The following IQGAP2 variants were observed in gnomAD, a reference collection of about 807,000 sequenced individuals.
The protein encoded by IQGAP2 is ras GTPase-activating-like protein IQGAP2.
In IQGAP2, 173 loss-of-function variants were observed where a neutral mutation model predicts 201.3. The observed-to-expected ratio is 0.86, with a 90% CI of 0.76 to 0.98. IQGAP2 has a LOEUF of 0.98. IQGAP2 is among the 50% of genes least tolerant of loss of function. IQGAP2 has a pLI of 0.00. For synonymous variants in IQGAP2, 675 were observed against 673.9 expected (o/e 1.00, Z -0.03); for missense variants, 1,687 against 1,864.8 (o/e 0.90, Z 1.76).
At chr5:76,609,759 T>C (rs1748113035) in intron 12 of IQGAP2, among the ~76,000 whole-genome samples, 1 of 151,954 alleles carries the variant, frequency 6.6e-6, no homozygotes, top group Admixed American at 6.6e-5. Flanking sequence ...ATCTAGTTTC[T>C]TTAACAGTTC....
chr5:76,631,449 T>C (rs372390), intron 14 of IQGAP2, among the ~76,000 whole-genome samples: 86,374 of 151,964 alleles, frequency 0.57, 24,636 homozygotes, highest in South Asian at 0.63. Flanking sequence ...CCAGGATTTC[T>C]GTAACTTAAA....
intron 5 of IQGAP2, among the ~76,000 whole-genome samples, chr5:76,583,427 AC>A (rs1746013155): frequency 6.6e-6 from 1 of 152,088 alleles, no homozygotes; most frequent in South Asian, 2.1e-4. Flanking sequence ...AACAGTTTAA[AC>A]CTCAACATCA....
At chr5:76,419,673 C>CT (rs57338854) in intron 1 of IQGAP2, among the ~76,000 whole-genome samples, 20,657 of 141,686 alleles carry the variant, frequency 0.15, 1,816 homozygotes, top group East Asian at 0.43. Context: ...CTTTTCTTTT[C>CT]TTTTTTTTTT....
At chr5:76,660,165 G>A (rs1743131518) in intron 21 of IQGAP2, 1 of 152,216 alleles carries the variant, frequency 6.6e-6, no homozygotes, top group Admixed American at 6.5e-5. Context: ...GCCACAGGAG[G>A]CTGCCAGTTA....
chr5:76,665,820 T>C (rs2150468046), intron 22 of IQGAP2, among the ~76,000 whole-genome samples: 1 of 152,340 alleles, frequency 6.6e-6, no homozygotes, highest in East Asian at 1.9e-4. Flanking sequence ...TGACCATTGA[T>C]TCAGCCCGTC....
intron 14 of IQGAP2, among the ~76,000 whole-genome samples, chr5:76,629,632 T>C (rs1438102054): frequency 6.6e-6 from 1 of 152,246 alleles, no homozygotes; most frequent in Non-Finnish European, 1.5e-5. Flanking sequence ...ACAGATATTT[T>C]GTATACCTGT....
At chr5:76,642,456 C>T (rs2431346) in intron 17 of IQGAP2, among the ~76,000 whole-genome samples, 2 of 152,288 alleles carry the variant, frequency 1.3e-5, no homozygotes, top group Non-Finnish European at 2.9e-5. Context: ...CACCTCACCA[C>T]GCCTTTTTTT....
chr5:76,534,925 C>T (rs771346261), intron 2 of IQGAP2, among the ~76,000 whole-genome samples: 1 of 152,188 alleles, frequency 6.6e-6, no homozygotes, highest in Non-Finnish European at 1.5e-5. Flanking sequence ...GGTTGTTCCA[C>T]CTTTATTTTA....
At chr5:76,482,048 A>G (rs926671288) in intron 2 of IQGAP2, among the ~76,000 whole-genome samples, 2 of 152,216 alleles carry the variant, frequency 1.3e-5, no homozygotes, top group African/African-American at 2.4e-5. Flanking sequence ...CCATATTCAC[A>G]TTTACCACAG....
chr5:76,459,320 G>A (rs1442460717), intron 1 of IQGAP2, among the ~76,000 whole-genome samples: 1 of 152,072 alleles, frequency 6.6e-6, no homozygotes, highest in African/African-American at 2.4e-5. Context: ...GAAGGGTGCA[G>A]CAGCATAGGA....
chr5:76,461,897 C>T (rs1354917145), intron 2 of IQGAP2, among the ~76,000 whole-genome samples: 1 of 152,232 alleles, frequency 6.6e-6, no homozygotes, highest in African/African-American at 2.4e-5. Flanking sequence ...CCTCCACACT[C>T]TGCTCCACTC....
intron 2 of IQGAP2, among the ~76,000 whole-genome samples, chr5:76,515,872 CTTTTT>C (rs71604295): frequency 9.7e-6 from 1 of 102,758 alleles, no homozygotes; most frequent in Non-Finnish European, 1.9e-5. Flanking sequence ...AGGGGGTGAT[CTTTTT>C]TTTTTTTTTT....
At chr5:76,604,043 T>C (rs1747618197) in intron 11 of IQGAP2, among the ~76,000 whole-genome samples, 1 of 152,150 alleles carries the variant, frequency 6.6e-6, no homozygotes, top group Non-Finnish European at 1.5e-5. Flanking sequence ...GTTTGTTACA[T>C]AGGTATACAA....
At chr5:76,451,219 T>C (rs186726827) in intron 1 of IQGAP2, among the ~76,000 whole-genome samples, 79 of 152,300 alleles carry the variant, frequency 5.2e-4, no homozygotes, top group Middle Eastern at 3.4e-3. Flanking sequence ...AGTCACGAAG[T>C]GTGCTGGCTG....
intron 1 of IQGAP2, among the ~76,000 whole-genome samples, chr5:76,442,491 A>G (rs1452970010): frequency 6.6e-6 from 1 of 152,198 alleles, no homozygotes; most frequent in Non-Finnish European, 1.5e-5. Flanking sequence ...AGGAATGTGA[A>G]TCCTTTATCA....
rs577763820 is a variant in IQGAP2, at chr5:76,567,616, A to G, written c.304-2964A>G. ...AGTATAATATTTGGACTTGAAGTCC[A>G]AATATTATGGGATTCTGCAAGGGAG... is the stretch of plus-strand genomic sequence containing the variant. On this transcript the variant is annotated intron_variant, in intron 3 of 35. Coordinates refer to ENST00000274364, the MANE Select transcript of IQGAP2 (RefSeq NM_006633.5). Among the ~76,000 whole-genome samples, 8 of 152,286 alleles carry G rather than the reference A, an allele frequency of 5.3e-5. No individual in the cohort carries two copies. In the South Asian group the frequency reaches 1.7e-3, roughly 32 times the overall value.
Position 76,671,854 on chromosome 5 carries a change from C to T in IQGAP2, c.2939C>T (p.Thr980Ile), listed in dbSNP as rs774695836. The change falls in exon 24 of 36, where the codon ACC (threonine) becomes ATC (isoleucine). Residue 980 changes from threonine to isoleucine, a missense_variant. Transcript: ENST00000274364. ...SFNRGARGQN[T>I]LRQLLAPVVK... ...AATAGAGGTGCCCGGGGACAGAACA[C>T]CCTGCGCCAACTCCTGGCTCCAGTG... 1.4e-5 allele frequency: 22 copies of T among 1,614,016 alleles called. No homozygotes were observed. Among genetic ancestry groups the T allele is most frequent in the South Asian group, 2.2e-5 (2 of 91,066 alleles).
At chr5:76,611,316 G>A in intron 13 of IQGAP2, 133 bp downstream of exon 13, 1 of 622,088 alleles carries the variant, frequency 1.6e-6, no homozygotes, top group Non-Finnish European at 2.7e-6. Flanking sequence ...GAATCAGAAT[G>A]GAAATAATAG....
At chr5:76,489,608 C>T (rs1756406552) in intron 2 of IQGAP2, among the ~76,000 whole-genome samples, 1 of 152,010 alleles carries the variant, frequency 6.6e-6, no homozygotes, top group African/African-American at 2.4e-5. Flanking sequence ...GCTACAGGTG[C>T]ACACCTCCAT....
Sources: gnomAD v4.1 joint callset for allele counts (sites outside exome capture counted in the v4.1 genomes callset) on GRCh38, gnomAD v4.1.1 for gene constraint, MANE v1.5 for transcripts, NCBI Gene and HGNC (gene_info 2026-07-23, HGNC 2026-07-21) for gene names.